Variants in MBNL2 observed in about 807,000 individuals in gnomAD.
The protein encoded by MBNL2 is muscleblind-like protein 2.
In MBNL2, 17 loss-of-function variants were observed where a neutral mutation model predicts 41.9. The ratio of observed to expected loss-of-function variants is 0.41; its 90% CI spans 0.28 to 0.61. MBNL2 has a LOEUF of 0.61. MBNL2 is among the 20% of genes least tolerant of loss of function. MBNL2 has a pLI of 0.35. For synonymous variants in MBNL2, 195 were observed against 182.9 expected (o/e 1.07, Z -0.53); for missense variants, 336 against 505.6 (o/e 0.66, Z 3.22).
At chr13:97,189,528 A>G in the MBNL2 span, among the ~76,000 whole-genome samples, 1 of 152,204 alleles carries the variant, frequency 6.6e-6, no homozygotes, top group Admixed American at 6.5e-5. Flanking sequence ...GTGTATATAT[A>G]CTCATGTGTA....
chr13:97,239,055 A>C (rs2043802676), intron 1 of MBNL2, among the ~76,000 whole-genome samples: 1 of 152,230 alleles, frequency 6.6e-6, no homozygotes, highest in Admixed American at 6.5e-5. Context: ...AGAGGGCTCA[A>C]GATGCTACAT....
At chr13:97,187,954 T>C in the MBNL2 span, among the ~76,000 whole-genome samples, 3 of 151,760 alleles carry the variant, frequency 2.0e-5, no homozygotes, top group Non-Finnish European at 4.4e-5. Flanking sequence ...TTAAATGCAC[T>C]GAGGACTGAG....
intron 1 of MBNL2, among the ~76,000 whole-genome samples, chr13:97,255,387 G>T (rs774542926): frequency 1.3e-5 from 2 of 152,136 alleles, no homozygotes; most frequent in Admixed American, 6.5e-5. Context: ...TAAGTAAAAT[G>T]AATGCTTTCC....
At chr13:97,200,604 C>T in the MBNL2 span, among the ~76,000 whole-genome samples, 1 of 152,184 alleles carries the variant, frequency 6.6e-6, no homozygotes, top group African/African-American at 2.4e-5. Context: ...GATTTGACAG[C>T]AAACAGTTTT....
the MBNL2 span, among the ~76,000 whole-genome samples, chr13:97,210,970 G>A: frequency 6.6e-6 from 1 of 152,054 alleles, no homozygotes; most frequent in Admixed American, 6.6e-5. Flanking sequence ...GGAGAAGAGG[G>A]GTGGTGAAAG....
chr13:97,145,974 C>A, the MBNL2 span, among the ~76,000 whole-genome samples: 1 of 141,438 alleles, frequency 7.1e-6, no homozygotes, highest in Non-Finnish European at 1.5e-5. Flanking sequence ...CTTTTCTTTT[C>A]TTTTCTTTTC....
the MBNL2 span, among the ~76,000 whole-genome samples, chr13:97,170,439 T>C: frequency 2.0e-5 from 3 of 152,200 alleles, no homozygotes; most frequent in Non-Finnish European, 4.4e-5. Context: ...GAGAGTTTAA[T>C]TGACATGAAT....
At chr13:97,282,829 C>G (rs192167625) in intron 2 of MBNL2, among the ~76,000 whole-genome samples, 1 of 152,292 alleles carries the variant, frequency 6.6e-6, no homozygotes, top group Admixed American at 6.5e-5. Context: ...CCCAGAAATC[C>G]CATCTGAAAG....
At chr13:97,150,687 G>A in the MBNL2 span, among the ~76,000 whole-genome samples, 3 of 152,132 alleles carry the variant, frequency 2.0e-5, no homozygotes, top group Non-Finnish European at 2.9e-5. Context: ...ACGAGTTATT[G>A]TTAGAGACGA....
chr13:97,330,242 C>T (rs1002778997), intron 2 of MBNL2, among the ~76,000 whole-genome samples: 1 of 152,202 alleles, frequency 6.6e-6, no homozygotes, highest in African/African-American at 2.4e-5. Context: ...GTGGGATGAG[C>T]AAAGGCCCTG....
At chr13:97,310,990 A>G (rs993528788) in intron 2 of MBNL2, among the ~76,000 whole-genome samples, 1 of 152,192 alleles carries the variant, frequency 6.6e-6, no homozygotes, top group Non-Finnish European at 1.5e-5. Flanking sequence ...AGAAACATGT[A>G]GATATGCTGA....
chr13:97,296,636 G>T (rs770313012), intron 2 of MBNL2, among the ~76,000 whole-genome samples: 4 of 152,150 alleles, frequency 2.6e-5, no homozygotes, highest in Non-Finnish European at 4.4e-5. Flanking sequence ...AGAGGATGCT[G>T]TCGATTTTTC....
At chr13:97,260,979 C>T (rs750305872) in intron 1 of MBNL2, among the ~76,000 whole-genome samples, 1 of 152,070 alleles carries the variant, frequency 6.6e-6, no homozygotes, top group Non-Finnish European at 1.5e-5. Context: ...CTGAGCTCTT[C>T]GAGGGTGTTG....
At chr13:97,225,109 T>G (rs1167685293) in intron 1 of MBNL2, among the ~76,000 whole-genome samples, 1 of 152,240 alleles carries the variant, frequency 6.6e-6, no homozygotes, top group Admixed American at 6.5e-5. Context: ...GTTGTTTCAA[T>G]TTGCTGTTGC....
At chr13:97,283,728 A>T (rs2053876355) in intron 2 of MBNL2, among the ~76,000 whole-genome samples, 1 of 152,192 alleles carries the variant, frequency 6.6e-6, no homozygotes, top group African/African-American at 2.4e-5. Flanking sequence ...TCATTAAAAA[A>T]ATCTTTGGGT....
chr13:97,225,676 C>CA (rs2152767303), intron 1 of MBNL2, among the ~76,000 whole-genome samples: 1 of 152,312 alleles, frequency 6.6e-6, no homozygotes, highest in South Asian at 2.1e-4. Flanking sequence ...GAGAGAGCTG[C>CA]AGGTCAAGAG....
chr13:97,386,435 G>A (rs940426574), intron 8 of MBNL2, among the ~76,000 whole-genome samples: 11 of 152,154 alleles, frequency 7.2e-5, no homozygotes, highest in East Asian at 1.9e-4. Flanking sequence ...CCATGTTTCC[G>A]CAGGTAGCAC....
chr13:97,233,095 T>G lies in MBNL2; in HGVS notation c.-605+10564T>G, dbSNP rs9584534. Among the ~76,000 whole-genome samples the G allele has an allele frequency of 3.2e-3, 447 of 137,590 alleles. 3 individuals are homozygous for G. Among genetic ancestry groups the G allele is most frequent in the African/African-American group, 0.012 (423 of 36,762 alleles). 90.3% of individuals were successfully genotyped at this position (137,590 alleles called of 152,430 possible). ...ACTTCCCTTCCTGTGCAGTGCCGTT[T>G]TCTTTGATGCTCTCGCTTCAGGCTC... On this transcript the variant is annotated intron_variant, in intron 1 of 8. Transcript: ENST00000679496.
the MBNL2 span, among the ~76,000 whole-genome samples, chr13:97,156,610 A>T: frequency 2.4e-4 from 34 of 142,548 alleles, no homozygotes; most frequent in Non-Finnish European, 9.1e-5. Flanking sequence ...AGCTTTCTAC[A>T]TATGGCTAGC....
Sources: gnomAD v4.1 joint callset for allele counts (sites outside exome capture counted in the v4.1 genomes callset) on GRCh38, gnomAD v4.1.1 for gene constraint, MANE v1.5 for transcripts, NCBI Gene and HGNC (gene_info 2026-07-23, HGNC 2026-07-21) for gene names.